Variants in SUMF1 observed in about 807,000 individuals in gnomAD.
SUMF1 encodes sulfatase modifying factor 1.
A neutral mutation model predicts 47.6 loss-of-function variants in SUMF1; 48 were observed. The observed-to-expected ratio is 1.01, with a 90% CI of 0.80 to 1.28. The LOEUF (loss-of-function observed/expected upper bound fraction) is 1.28. SUMF1 is among the 50% of genes most tolerant of loss of function. The pLI, the probability that SUMF1 is intolerant of heterozygous loss-of-function variation, is 0.00. For synonymous variants in SUMF1, 230 were observed against 192.1 expected (o/e 1.20, Z -1.63); for missense variants, 571 against 485.4 (o/e 1.18, Z -1.66).
At chr3:4,344,275 C>G (rs1699329631) in intron 8 of SUMF1, among the ~76,000 whole-genome samples, 1 of 152,190 alleles carries the variant, frequency 6.6e-6, no homozygotes, top group Non-Finnish European at 1.5e-5. Context: ...AGGGGAACCC[C>G]CATTGGCATC....
chr3:4,311,591 G>A (rs1698406732), intron 8 of SUMF1, among the ~76,000 whole-genome samples: 2 of 152,314 alleles, frequency 1.3e-5, no homozygotes, highest in South Asian at 4.1e-4. Flanking sequence ...TCTGAACAAT[G>A]AGATTATTCC....
At chr3:4,356,999 T>TGA (rs10660997), downstream of SUMF1, among the ~76,000 whole-genome samples, 62,585 of 151,886 alleles carry the variant, frequency 0.41, 15,691 homozygotes, top group African/African-American at 0.69. Flanking sequence ...TCTGAAAAAC[T>TGA]GAGTGCAGAT....
chr3:4,288,363 T>C (rs1350752136), intron 8 of SUMF1, among the ~76,000 whole-genome samples: 1 of 152,214 alleles, frequency 6.6e-6, no homozygotes, highest in East Asian at 1.9e-4. Flanking sequence ...TGTGTCTTTC[T>C]ACTTTAAAAA....
chr3:4,168,248 C>T (rs1443799785), intron 8 of SUMF1, among the ~76,000 whole-genome samples: 1 of 152,170 alleles, frequency 6.6e-6, no homozygotes, highest in Non-Finnish European at 1.5e-5. Context: ...TGGACAAACT[C>T]TACATTTATT....
intron 8 of SUMF1, among the ~76,000 whole-genome samples, chr3:4,088,112 A>T (rs1184797691): frequency 1.3e-5 from 2 of 152,134 alleles, no homozygotes; most frequent in Non-Finnish European, 2.9e-5. Context: ...TACTGAGAAG[A>T]TGGGGATCCA....
In SUMF1 at chr3:4,129,870, G is replaced by A. The variant is rs1476415275; in HGVS notation, c.1015-61125C>T. 2.0e-5 allele frequency among the ~76,000 whole-genome samples: 3 copies of A among 152,038 alleles called. No homozygotes were observed. In the East Asian group the frequency reaches 5.8e-4, roughly 29 times the overall value. On this transcript the variant is annotated intron_variant and NMD_transcript_variant, in intron 8 of 12. Coordinates refer to the SUMF1 transcript ENST00000448413. ...TCCAGTGGGTCCCTGGACTCATCCT[G>A]TCATCATTTCCCCAGTGTCAGAATG...
At chr3:4,251,323 G>A (rs1469364950) in intron 8 of SUMF1, among the ~76,000 whole-genome samples, 2 of 152,214 alleles carry the variant, frequency 1.3e-5, no homozygotes. Context: ...CACTGATGAG[G>A]AGTTGCTTCT....
intron 8 of SUMF1, among the ~76,000 whole-genome samples, chr3:4,363,506 A>G (rs544236703): frequency 6.6e-6 from 1 of 151,768 alleles, no homozygotes; most frequent in Non-Finnish European, 1.5e-5. Context: ...GAGTTCACTC[A>G]TGATTTGGCT....
At chr3:4,337,651 AT>A (rs1041765484) in intron 8 of SUMF1, among the ~76,000 whole-genome samples, 24 of 152,166 alleles carry the variant, frequency 1.6e-4, no homozygotes, top group Non-Finnish European at 2.9e-4. Flanking sequence ...TTGCCACTAC[AT>A]CAAAGCATTT....
chr3:4,425,699 CCAT>C (rs1323901404), intron 3 of SUMF1, among the ~76,000 whole-genome samples: 2 of 152,178 alleles, frequency 1.3e-5, no homozygotes, highest in Admixed American at 6.5e-5. Flanking sequence ...GCAAGCAGCA[CCAT>C]GAGGGTAGGG....
At chr3:4,406,281 T>C (rs998700470) in intron 7 of SUMF1, among the ~76,000 whole-genome samples, 2 of 152,224 alleles carry the variant, frequency 1.3e-5, no homozygotes, top group Non-Finnish European at 2.9e-5. Flanking sequence ...TGAAGATATA[T>C]TCTACATTTA....
intron 1 of SUMF1, among the ~76,000 whole-genome samples, chr3:4,455,661 G>A (rs1275451999): frequency 1.3e-5 from 2 of 152,178 alleles, no homozygotes; most frequent in African/African-American, 4.8e-5. Flanking sequence ...AGGTTGCAGT[G>A]AGCTGAGATT....
At position 4,420,123 on chromosome 3, in the gene SUMF1, T is replaced by A. The variant is rs753744005; in HGVS notation, c.543A>T (p.Leu181Phe). 1 of 1,614,014 alleles carries A rather than the reference T, an allele frequency of 6.2e-7. No individual in the cohort carries two copies. The highest frequency in any genetic ancestry group is 1.1e-5 in the South Asian group (1 of 91,076). ...GTCTCCAGTTAGCGCCTTTCACAGG[T>A]AACCACCAGGGAGCAGCTGCAACCT... ...QQAVAAAPWW[L>F]PVKGANWRHP... The change falls in exon 4 of 9, where the codon TTA (leucine) becomes TTT (phenylalanine). Residue 181 changes from leucine (L) to phenylalanine (F), a missense_variant. Leu to Phe is a conservative substitution (Grantham distance 22). Coordinates refer to ENST00000272902, the MANE Select transcript of SUMF1 (RefSeq NM_182760.4).
chr3:4,449,762 G>A (rs1282194367), intron 2 of SUMF1, among the ~76,000 whole-genome samples: 1 of 152,174 alleles, frequency 6.6e-6, no homozygotes, highest in East Asian at 1.9e-4. Context: ...ACACATTCTA[G>A]TTCCACTAAG....
chr3:4,452,085 C>G (rs1702992632), intron 2 of SUMF1, among the ~76,000 whole-genome samples: 1 of 151,524 alleles, frequency 6.6e-6, no homozygotes, highest in South Asian at 2.1e-4. Context: ...CATTCACTCT[C>G]AAATTATTCA....
chr3:4,083,493 A>G (rs1012431103), intron 8 of SUMF1, among the ~76,000 whole-genome samples: 1 of 152,154 alleles, frequency 6.6e-6, no homozygotes, highest in African/African-American at 2.4e-5. Flanking sequence ...CAGCGTGACT[A>G]TGAAACACCC....
intron 8 of SUMF1, among the ~76,000 whole-genome samples, chr3:4,200,727 T>C (rs1250234530): frequency 1.3e-5 from 2 of 152,140 alleles, no homozygotes; most frequent in African/African-American, 4.8e-5. Context: ...CCTATCTATC[T>C]GTCTATCCAT....
intron 8 of SUMF1, among the ~76,000 whole-genome samples, chr3:4,102,292 G>C (rs1045558764): frequency 1.3e-5 from 2 of 152,132 alleles, no homozygotes; most frequent in African/African-American, 4.8e-5. Flanking sequence ...TGTACAAAAA[G>C]TTTAATATTA....
At chr3:4,126,509 C>A (rs1226484737) in intron 8 of SUMF1, among the ~76,000 whole-genome samples, 1 of 152,082 alleles carries the variant, frequency 6.6e-6, no homozygotes, top group Non-Finnish European at 1.5e-5. Flanking sequence ...ACTAGACTCA[C>A]TACATTCATC....
Sources: allele counts gnomAD v4.1 joint callset (sites outside exome capture counted in the v4.1 genomes callset), GRCh38; gene constraint gnomAD v4.1.1; transcripts MANE v1.5; gene names NCBI Gene and HGNC (gene_info 2026-07-23, HGNC 2026-07-21).